Variants in FGF12 observed in about 807,000 individuals in gnomAD.
FGF12 encodes fibroblast growth factor 12B.
Under a neutral mutation model 23.6 loss-of-function variants are expected in FGF12, and 14 were observed. The observed-to-expected ratio is 0.59, with a 90% confidence interval of 0.39 to 0.93. The LOEUF is 0.93. Ranked by LOEUF, FGF12 falls within the 40% of genes least tolerant of loss-of-function variation. The pLI is 0.00. For synonymous variants in FGF12, 62 were observed against 77.3 expected (o/e 0.80, Z 1.04); for missense variants, 175 against 217.8 (o/e 0.80, Z 1.24).
At chr3:192,160,528 C>A (rs1342783014) in intron 5 of FGF12, among the ~76,000 whole-genome samples, 1 of 152,158 alleles carries the variant, frequency 6.6e-6, no homozygotes, top group Non-Finnish European at 1.5e-5. Context: ...AAAAATTTAC[C>A]TTCATCATCC....
intron 4 of FGF12, among the ~76,000 whole-genome samples, chr3:192,288,762 A>G (rs1469248224): frequency 1.3e-5 from 2 of 152,146 alleles, no homozygotes; most frequent in East Asian, 1.9e-4. Context: ...TGTGCTGGTT[A>G]CCAAGGAACA....
At chr3:192,652,301 T>C (rs114917879) in intron 2 of FGF12, among the ~76,000 whole-genome samples, 3,381 of 152,106 alleles carry the variant, frequency 0.022, 140 homozygotes, top group African/African-American at 0.078. Flanking sequence ...AGTATTTCAA[T>C]AGGGAGCATA....
At chr3:192,642,576 T>G (rs897881307) in intron 2 of FGF12, among the ~76,000 whole-genome samples, 2 of 152,218 alleles carry the variant, frequency 1.3e-5, no homozygotes, top group African/African-American at 2.4e-5. Context: ...TGTTTAAAAT[T>G]TATACCATGC....
At chr3:192,420,388 CAAT>C (rs1213709223) in intron 2 of FGF12, among the ~76,000 whole-genome samples, 3 of 152,254 alleles carry the variant, frequency 2.0e-5, no homozygotes, top group Admixed American at 2.0e-4. Context: ...TCTGGAGACT[CAAT>C]GATGTAGTTC....
At chr3:192,192,550 G>C (rs542344469) in intron 4 of FGF12, among the ~76,000 whole-genome samples, 1 of 150,070 alleles carries the variant, frequency 6.7e-6, no homozygotes, top group Non-Finnish European at 1.5e-5. Context: ...AAACAAGACA[G>C]ATCTTCGCAC....
At chr3:192,401,687 A>G (rs1720767486) in intron 2 of FGF12, among the ~76,000 whole-genome samples, 1 of 152,046 alleles carries the variant, frequency 6.6e-6, no homozygotes, top group Admixed American at 6.6e-5. Flanking sequence ...CTTTCTTTGG[A>G]CCCTAGATTA....
At chr3:192,605,545 G>A (rs1714305143) in intron 2 of FGF12, among the ~76,000 whole-genome samples, 1 of 152,044 alleles carries the variant, frequency 6.6e-6, no homozygotes, top group Admixed American at 6.5e-5. Flanking sequence ...ACTAACAACA[G>A]AGTAAACAGA....
chr3:192,157,637 T>C (rs1560170811), intron 5 of FGF12, among the ~76,000 whole-genome samples: 1 of 152,206 alleles, frequency 6.6e-6, no homozygotes, highest in Non-Finnish European at 1.5e-5. Context: ...ATTTACAACT[T>C]CTAACATTCA....
intron 2 of FGF12, among the ~76,000 whole-genome samples, chr3:192,601,025 T>C (rs778231745): frequency 1.3e-5 from 2 of 152,056 alleles, no homozygotes; most frequent in African/African-American, 2.4e-5. Context: ...CTATTCACAA[T>C]AGCCAAAATA....
At position 192,309,426 on chromosome 3, in the gene FGF12, G is replaced by C. The variant is rs543858821; in HGVS notation, c.228+25935C>G. Among the ~76,000 whole-genome samples the C allele has an allele frequency of 3.9e-5, 6 of 152,266 alleles. No individual in the cohort carries two copies. The South Asian group carries it at 1.0e-3, about 26-fold the overall frequency. On this transcript the variant is annotated intron_variant, in intron 4 of 5. Coordinates refer to ENST00000445105, the MANE Select transcript of FGF12 (RefSeq NM_004113.6). ...TGGAGGTACTGTTGGGTGGGTGATGGGGGTGAGAGAGTTTGCAGGAAACTG... is the reference window on the plus strand; with the variant it reads ...TGGAGGTACTGTTGGGTGGGTGATGCGGGTGAGAGAGTTTGCAGGAAACTG...
Position 192,141,121 on chromosome 3 carries a change from G to A in FGF12, c.*2888C>T, listed in dbSNP as rs1257494808. The A allele has an allele frequency of 1.9e-4, 5 of 25,908 alleles. No homozygotes were observed. In the Admixed American group the frequency reaches 2.6e-3, roughly 13 times the overall value. 1.6% of individuals were successfully genotyped at this position (25,908 alleles called of 1,614,324 possible). On this transcript the variant is annotated 3_prime_UTR_variant, in exon 6 of 6. Coordinates refer to ENST00000445105, the MANE Select transcript of FGF12 (RefSeq NM_004113.6). The stretch of plus-strand genomic sequence containing the variant: ...ATTTTTTCCTGGGAAAAATCCCAAT[G>A]CAACTCCAAAAAAAAAAAAAAAAAA...
intron 2 of FGF12, among the ~76,000 whole-genome samples, chr3:192,672,011 A>G (rs114480009): frequency 0.012 from 1,881 of 152,364 alleles, 10 homozygotes; most frequent in Non-Finnish European, 0.021. Flanking sequence ...CTGAGACCCA[A>G]AGACAGAGTG....
intron 4 of FGF12, among the ~76,000 whole-genome samples, chr3:192,235,435 G>A (rs1317871391): frequency 6.6e-6 from 1 of 152,130 alleles, no homozygotes; most frequent in Non-Finnish European, 1.5e-5. Context: ...AGCCTCCTGA[G>A]TAGCTCTTTC....
chr3:192,682,265 C>T lies in FGF12; in HGVS notation c.13+44916G>A, dbSNP rs559191481. ...ATATTATCTGCTATAAGCCCCTGAACGCACACAGCTGGTGCACACACAGTC... is the reference window on the plus strand; with the variant it reads ...ATATTATCTGCTATAAGCCCCTGAATGCACACAGCTGGTGCACACACAGTC... On this transcript the variant is annotated intron_variant, in intron 2 of 5. Transcript: ENST00000445105. Among the ~76,000 whole-genome samples the T allele has an allele frequency of 8.0e-4, 122 of 152,134 alleles. 1 individual carries two copies. In the South Asian group the frequency reaches 0.01, roughly 13 times the overall value.
intron 4 of FGF12, among the ~76,000 whole-genome samples, chr3:192,186,609 G>T (rs544967006): frequency 1.3e-5 from 2 of 151,898 alleles, no homozygotes; most frequent in African/African-American, 4.8e-5. Flanking sequence ...TTGTGTGTGC[G>T]TGTGTGTGTG....
chr3:192,489,875 G>A (rs1331139947), intron 2 of FGF12, among the ~76,000 whole-genome samples: 1 of 151,932 alleles, frequency 6.6e-6, no homozygotes, highest in Non-Finnish European at 1.5e-5. Flanking sequence ...AATAACTAAT[G>A]GGTAACAGGC....
chr3:192,639,483 G>T (rs1397289414), intron 2 of FGF12, among the ~76,000 whole-genome samples: 1 of 152,190 alleles, frequency 6.6e-6, no homozygotes, highest in Non-Finnish European at 1.5e-5. Context: ...TCACCACCTT[G>T]TAAACATATC....
intron 2 of FGF12, among the ~76,000 whole-genome samples, chr3:192,568,840 A>T (rs569131174): frequency 6.6e-5 from 10 of 152,268 alleles, no homozygotes; most frequent in African/African-American, 2.4e-4. Context: ...TCCTTTGCAT[A>T]CATGAGCATA....
chr3:192,255,535 T>A (rs560683467), intron 4 of FGF12, among the ~76,000 whole-genome samples: 1 of 152,204 alleles, frequency 6.6e-6, no homozygotes, highest in African/African-American at 2.4e-5. Context: ...AGTTTTCCAA[T>A]CTATTCCAAT....
Sources: gnomAD v4.1 joint callset for allele counts (sites outside exome capture counted in the v4.1 genomes callset) on GRCh38, gnomAD v4.1.1 for gene constraint, MANE v1.5 for transcripts, NCBI Gene and HGNC (gene_info 2026-07-23, HGNC 2026-07-21) for gene names.